The following CDIN1 variants were observed in gnomAD, a reference collection of about 807,000 sequenced individuals.
The protein encoded by CDIN1 is CDAN1-interacting nuclease 1.
A neutral mutation model predicts 45.3 loss-of-function variants in CDIN1; 33 were observed. The observed-to-expected ratio is 0.73, with a 90% confidence interval of 0.55 to 0.97. The LOEUF (loss-of-function observed/expected upper bound fraction) is 0.97, where lower values mean the gene tolerates loss of function less well. Among genes scored for constraint, CDIN1 ranks in the 50% least tolerant of loss-of-function variants. The pLI, the probability that CDIN1 is intolerant of heterozygous loss-of-function variation, is 0.00. For synonymous variants in CDIN1, 118 were observed against 124.4 expected (o/e 0.95, Z 0.34); for missense variants, 303 against 339.4 (o/e 0.89, Z 0.84).
At chr15:36,777,408 A>G (rs79080792) in intron 10 of CDIN1, among the ~76,000 whole-genome samples, 6 of 116,344 alleles carry the variant, frequency 5.2e-5, no homozygotes, top group Non-Finnish European at 1.2e-4. Context: ...TTAGATCTGA[A>G]AAAAAAAAAA....
intron 1 of CDIN1, among the ~76,000 whole-genome samples, chr15:36,628,131 C>G (rs997744620): frequency 2.0e-5 from 3 of 152,008 alleles, no homozygotes; most frequent in Non-Finnish European, 4.4e-5. Context: ...AGTTGTGTAG[C>G]CATGTGTTGG....
At chr15:36,743,039 A>T (rs1173789990) in intron 10 of CDIN1, among the ~76,000 whole-genome samples, 2 of 152,212 alleles carry the variant, frequency 1.3e-5, no homozygotes, top group East Asian at 3.9e-4. Flanking sequence ...AAAGTGGAGA[A>T]GTTTGAAAAT....
At chr15:36,622,586 TG>T (rs1015360490) in intron 1 of CDIN1, among the ~76,000 whole-genome samples, 31 of 152,194 alleles carry the variant, frequency 2.0e-4, no homozygotes, top group African/African-American at 6.5e-4. Flanking sequence ...GGAAGCAGAC[TG>T]TATTTCACCT....
chr15:36,719,927 T>C (rs2043347910), intron 10 of CDIN1, among the ~76,000 whole-genome samples: 1 of 152,120 alleles, frequency 6.6e-6, no homozygotes, highest in Non-Finnish European at 1.5e-5. Flanking sequence ...TTGAAAATAT[T>C]CCCTTATTAT....
chr15:36,674,121 C>T (rs1308591892), intron 5 of CDIN1, among the ~76,000 whole-genome samples: 2 of 152,066 alleles, frequency 1.3e-5, no homozygotes, highest in Non-Finnish European at 2.9e-5. Flanking sequence ...CCTTAATAAG[C>T]GTATGCTTGT....
intron 1 of CDIN1, chr15:36,618,192 C>A: frequency 1.5e-6 from 1 of 680,916 alleles, no homozygotes; most frequent in South Asian, 1.7e-5. Flanking sequence ...ATGGGTCGAC[C>A]ATTCCAAAAA....
intron 8 of CDIN1, among the ~76,000 whole-genome samples, chr15:36,698,903 T>C (rs1349973713): frequency 6.6e-5 from 10 of 152,174 alleles, no homozygotes; most frequent in Admixed American, 6.5e-4. Context: ...GTCCTAGTCC[T>C]CAACTTACTT....
At chr15:36,655,488 A>C (rs1056132409) in intron 4 of CDIN1, among the ~76,000 whole-genome samples, 1 of 151,866 alleles carries the variant, frequency 6.6e-6, no homozygotes, top group Admixed American at 6.6e-5. Flanking sequence ...CACCATGCCC[A>C]GCTAATTTTT....
chr15:36,771,524 C>G (rs1245851415), intron 10 of CDIN1, among the ~76,000 whole-genome samples: 4 of 152,164 alleles, frequency 2.6e-5, no homozygotes, highest in African/African-American at 9.6e-5. Flanking sequence ...AACCATAGCT[C>G]TAGAAGGAGG....
At chr15:36,614,679 A>G (rs571197594) in intron 1 of CDIN1, among the ~76,000 whole-genome samples, 151 of 152,326 alleles carry the variant, frequency 9.9e-4, no homozygotes, top group African/African-American at 3.5e-3. Context: ...GAGCCCAGGG[A>G]AAGACTGTAC....
chr15:36,717,489 G>A (rs2043255624), intron 10 of CDIN1, among the ~76,000 whole-genome samples: 1 of 152,128 alleles, frequency 6.6e-6, no homozygotes, highest in Non-Finnish European at 1.5e-5. Flanking sequence ...TATGTTGAAT[G>A]TACCAATAGT....
chr15:36,591,599 GT>G (rs1262446430), intron 1 of CDIN1, among the ~76,000 whole-genome samples: 2 of 152,182 alleles, frequency 1.3e-5, no homozygotes, highest in Non-Finnish European at 2.9e-5. Flanking sequence ...AACATGTTCA[GT>G]TTTTTATTTG....
chr15:36,700,369 AGG>A (rs2042587293), intron 8 of CDIN1, among the ~76,000 whole-genome samples: 2 of 152,118 alleles, frequency 1.3e-5, no homozygotes, highest in Non-Finnish European at 2.9e-5. Flanking sequence ...CTCACTTAGT[AGG>A]TGCTCACATG....
intron 1 of CDIN1, among the ~76,000 whole-genome samples, chr15:36,610,422 G>A (rs981115981): frequency 2.0e-5 from 3 of 152,140 alleles, no homozygotes; most frequent in Admixed American, 6.5e-5. Context: ...TTATCTAGAC[G>A]TAGTTGTGTA....
At chr15:36,597,337 G>T (rs146119642) in intron 1 of CDIN1, among the ~76,000 whole-genome samples, 2,031 of 152,236 alleles carry the variant, frequency 0.013, 46 homozygotes, top group African/African-American at 0.046. Context: ...TTTTCTCAAT[G>T]CTCTCAGTGA....
chr15:36,620,561 T>C (rs2039136954), intron 1 of CDIN1, among the ~76,000 whole-genome samples: 1 of 152,174 alleles, frequency 6.6e-6, no homozygotes, highest in Admixed American at 6.5e-5. Flanking sequence ...TACTGAATTA[T>C]ATTTGTCATT....
At chr15:36,707,203 TATCACC>T (rs1330749811) in intron 8 of CDIN1, 1 of 152,168 alleles carries the variant, frequency 6.6e-6, no homozygotes, top group Non-Finnish European at 1.5e-5. Flanking sequence ...AGAAGTCTAA[TATCACC>T]AATGGTGACA....
chr15:36,696,671 G>T (rs1020550166), intron 7 of CDIN1, among the ~76,000 whole-genome samples: 4 of 152,154 alleles, frequency 2.6e-5, no homozygotes, highest in African/African-American at 9.7e-5. Context: ...CTCCAGAGTG[G>T]CTGGGGTTAT....
chr15:36,681,405 A>G (rs1262572255), intron 5 of CDIN1, among the ~76,000 whole-genome samples: 1 of 152,156 alleles, frequency 6.6e-6, no homozygotes, highest in Non-Finnish European at 1.5e-5. Context: ...GGGGAAATAC[A>G]AACACTTTGT....
Sources: gnomAD v4.1 joint callset for allele counts (sites outside exome capture counted in the v4.1 genomes callset) on GRCh38, gnomAD v4.1.1 for gene constraint, MANE v1.5 for transcripts, NCBI Gene and HGNC (gene_info 2026-07-23, HGNC 2026-07-21) for gene names.